DNMBP: variants seen among roughly 807,000 people sequenced by gnomAD.
The protein encoded by DNMBP is dynamin binding protein, also known as dynamin-binding protein.
A neutral mutation model predicts 150.0 loss-of-function variants in DNMBP; 87 were observed. The observed-to-expected ratio is 0.58, with a 90% confidence interval of 0.49 to 0.69. DNMBP has a LOEUF of 0.69. Among genes scored for constraint, DNMBP ranks in the 30% least tolerant of loss-of-function variants. The pLI is 0.00. For missense variants in DNMBP, 1,774 were observed against 1,949.0 expected, an observed-to-expected ratio of 0.91 and a Z score of 1.69; for synonymous variants, 711 against 750.4, an observed-to-expected ratio of 0.95 and a Z score of 0.86.
chr10:99,900,062 A>G lies in DNMBP; in HGVS notation c.2559T>C (p.Pro853=). Residue 853 remains proline (P), a synonymous_variant, in exon 7 of 17, where the codon CCT becomes CCC. Coordinates refer to ENST00000324109, the MANE Select transcript of DNMBP (RefSeq NM_015221.4). The part of the protein sequence containing the change: ...AALEISDAVG[P]VFLGHRDELE... ...GCTCATCCCGGTGACCAAGAAACAC[A>G]GGTCCTTTGGAATACACACAAACAT... The G allele has an allele frequency of 6.2e-7, 1 of 1,614,128 alleles. No homozygotes were observed. Among genetic ancestry groups the G allele is most frequent in the Non-Finnish European group, 8.5e-7 (1 of 1,180,002 alleles).
intron 4 of DNMBP, among the ~76,000 whole-genome samples, chr10:99,937,940 A>G (rs979851406): frequency 6.6e-6 from 1 of 152,190 alleles, no homozygotes; most frequent in African/African-American, 2.4e-5. Flanking sequence ...AGGAAATGAC[A>G]CCTGCCTTCT....
intron 16 of DNMBP, 111 bp downstream of exon 16, chr10:99,879,700 T>A: frequency 6.6e-7 from 1 of 1,512,878 alleles, no homozygotes. Flanking sequence ...TGTGAGCTCA[T>A]CTCAGATCAC....
chr10:99,915,333 G>A (rs1336400377), intron 4 of DNMBP, among the ~76,000 whole-genome samples: 3 of 151,010 alleles, frequency 2.0e-5, no homozygotes, highest in African/African-American at 7.3e-5. Flanking sequence ...CCTAGGATTT[G>A]GGGGAGAAGT....
At chr10:99,944,039 G>A (rs1219163151) in intron 4 of DNMBP, among the ~76,000 whole-genome samples, 3 of 152,180 alleles carry the variant, frequency 2.0e-5, no homozygotes, top group African/African-American at 7.2e-5. Flanking sequence ...GCCAAAAAGA[G>A]GAAAGTTGAG....
intron 1 of DNMBP, among the ~76,000 whole-genome samples, chr10:99,987,642 A>G (rs2040843152): frequency 6.6e-6 from 1 of 152,016 alleles, no homozygotes; most frequent in Non-Finnish European, 1.5e-5. Flanking sequence ...CTGAGGCAGG[A>G]GGATCACTTG....
chr10:99,903,489 T>C (rs891679907), intron 6 of DNMBP, among the ~76,000 whole-genome samples: 9 of 152,074 alleles, frequency 5.9e-5, no homozygotes, highest in African/African-American at 1.2e-4. Flanking sequence ...TGCCCCACCA[T>C]ACCTGGCTAA....
chr10:99,956,611 C>T lies in DNMBP; in HGVS notation c.863G>A (p.Arg288Lys), dbSNP rs151228609. 1.5e-4 allele frequency: 238 copies of T among 1,614,148 alleles called. 1 individual carries two copies. In the African/African-American group the frequency reaches 2.9e-3, roughly 20 times the overall value. The change falls in exon 4 of 17, where the codon AGG becomes AAG. Residue 288 changes from arginine to lysine, a missense_variant. Arg to Lys is a conservative substitution (Grantham distance 26, BLOSUM62 2). This residue lies in a region of DNMBP where 344 missense variants were observed against 456.6 expected (regional missense o/e 0.75). Coordinates refer to ENST00000324109, the MANE Select transcript of DNMBP (RefSeq NM_015221.4). ...AAACCGGTAAGGAAAGATGCCTGTC[C>T]TGCCCTTCAGGGATCCTTCCAGCCA... ...DGWLEGSLKG[R>K]TGIFPYRFVK...
intron 3 of DNMBP, among the ~76,000 whole-genome samples, chr10:99,968,548 C>A (rs558497314): frequency 6.6e-6 from 1 of 151,862 alleles, no homozygotes; most frequent in African/African-American, 2.4e-5. Context: ...ATTAGCCCAG[C>A]GTGGTAGCAC....
chr10:99,877,654 G>A (rs545005191), intron 16 of DNMBP, among the ~76,000 whole-genome samples: 19 of 152,136 alleles, frequency 1.2e-4, no homozygotes, highest in African/African-American at 4.6e-4. Flanking sequence ...ACCTGAAGTT[G>A]GGAATTTAAG....
intron 4 of DNMBP, among the ~76,000 whole-genome samples, chr10:99,937,422 TAAAG>T (rs1316268626): frequency 6.6e-6 from 1 of 152,130 alleles, no homozygotes; most frequent in Non-Finnish European, 1.5e-5. Context: ...TTACCACAGA[TAAAG>T]AAACAATCTG....
At chr10:99,929,715 T>C (rs1482099906) in intron 4 of DNMBP, 2 of 702,986 alleles carry the variant, frequency 2.8e-6, no homozygotes, top group East Asian at 5.4e-5. Context: ...ATTTAATTTT[T>C]TCTCTTCCTC....
chr10:99,938,752 G>C (rs115967577), intron 4 of DNMBP, among the ~76,000 whole-genome samples: 1,762 of 152,290 alleles, frequency 0.012, 38 homozygotes, highest in African/African-American at 0.039. Flanking sequence ...TGCCATTTTT[G>C]AGTAATAAAT....
intron 1 of DNMBP, among the ~76,000 whole-genome samples, chr10:100,004,599 T>C (rs1233341050): frequency 6.6e-6 from 1 of 152,060 alleles, no homozygotes; most frequent in Non-Finnish European, 1.5e-5. Flanking sequence ...GGTCATTAAA[T>C]GGAGAAAAAT....
At chr10:99,974,737 G>C (rs2040710630) in intron 1 of DNMBP, among the ~76,000 whole-genome samples, 1 of 151,698 alleles carries the variant, frequency 6.6e-6, no homozygotes, top group Admixed American at 6.6e-5. Context: ...AGCATGAAGT[G>C]CCTAATTACA....
intron 11 of DNMBP, among the ~76,000 whole-genome samples, chr10:99,890,752 T>A (rs1195943314): frequency 6.6e-6 from 1 of 152,204 alleles, no homozygotes; most frequent in Non-Finnish European, 1.5e-5. Flanking sequence ...CGTCAAGCAA[T>A]TCTCCTGCCT....
chr10:99,933,781 G>A (rs2040188989), intron 4 of DNMBP, among the ~76,000 whole-genome samples: 1 of 152,182 alleles, frequency 6.6e-6, no homozygotes, highest in Non-Finnish European at 1.5e-5. Context: ...CTATCACTCA[G>A]GCTGGAGTGC....
At chr10:99,974,557 G>A (rs1189253664) in intron 1 of DNMBP, among the ~76,000 whole-genome samples, 3 of 151,818 alleles carry the variant, frequency 2.0e-5, no homozygotes, top group African/African-American at 7.3e-5. Context: ...CCAGGCTGGA[G>A]TGCAAAAATA....
At chr10:99,911,220 A>AG (rs1487119703) in intron 4 of DNMBP, among the ~76,000 whole-genome samples, 1 of 149,080 alleles carries the variant, frequency 6.7e-6, no homozygotes, top group African/African-American at 2.5e-5. Context: ...CAGCCTGAGT[A>AG]AAAAAAAAAT....
At chr10:100,001,985 G>T (rs1375163836) in intron 1 of DNMBP, among the ~76,000 whole-genome samples, 1 of 152,166 alleles carries the variant, frequency 6.6e-6, no homozygotes, top group African/African-American at 2.4e-5. Context: ...ACTGTTCCAA[G>T]AGAGGAGCAA....
Sources: allele counts gnomAD v4.1 joint callset (sites outside exome capture counted in the v4.1 genomes callset), GRCh38; gene constraint gnomAD v4.1.1; regional missense constraint gnomAD v4.1.1; transcripts MANE v1.5; gene names NCBI Gene and HGNC (gene_info 2026-07-23, HGNC 2026-07-21).